CHODL: variants seen among roughly 807,000 people sequenced by gnomAD.
CHODL encodes transmembrane protein MT75.
Under a neutral mutation model 34.5 loss-of-function variants are expected in CHODL, and 29 were observed. The observed-to-expected ratio is 0.84, with a 90% confidence interval of 0.63 to 1.15. The LOEUF (loss-of-function observed/expected upper bound fraction) is 1.15. CHODL is among the 50% of genes most tolerant of loss of function. The pLI, the probability that CHODL is intolerant of heterozygous loss-of-function variation, is 0.00. For missense variants in CHODL, 332 were observed against 332.5 expected (o/e 1.00, Z 0.01); for synonymous variants, 125 against 116.1 (o/e 1.08, Z -0.49).
intron 2 of CHODL, among the ~76,000 whole-genome samples, chr21:18,210,966 A>G (rs544337380): frequency 1.3e-5 from 2 of 152,262 alleles, no homozygotes; most frequent in African/African-American, 4.8e-5. Context: ...ACCTCCTACT[A>G]TCATCCCTGA....
intron 1 of CHODL, among the ~76,000 whole-genome samples, chr21:17,968,514 AT>A (rs1305828167): frequency 6.6e-6 from 1 of 152,016 alleles, no homozygotes; most frequent in Non-Finnish European, 1.5e-5. Flanking sequence ...ATTTTACCTT[AT>A]TTCCCCCTTT....
chr21:18,062,943 T>C (rs2064687269), intron 2 of CHODL, among the ~76,000 whole-genome samples: 1 of 152,150 alleles, frequency 6.6e-6, no homozygotes, highest in African/African-American at 2.4e-5. Context: ...AAACCATCAA[T>C]TCTTCTGATT....
upstream of CHODL, among the ~76,000 whole-genome samples, chr21:18,244,017 ACTT>A (rs1433853662): frequency 6.6e-6 from 1 of 152,206 alleles, no homozygotes; most frequent in Non-Finnish European, 1.5e-5. Flanking sequence ...ATTCTTAAGA[ACTT>A]CTCTCCAGTA....
chr21:18,100,669 A>G (rs2065202017), intron 2 of CHODL, among the ~76,000 whole-genome samples: 1 of 152,244 alleles, frequency 6.6e-6, no homozygotes, highest in South Asian at 2.1e-4. Flanking sequence ...ATTATTTAAC[A>G]TTTTAATTTT....
intron 2 of CHODL, among the ~76,000 whole-genome samples, chr21:18,070,453 A>G (rs982917858): frequency 2.6e-5 from 4 of 152,142 alleles, no homozygotes; most frequent in African/African-American, 9.7e-5. Flanking sequence ...AGCTAGGGAA[A>G]AAAAAAAGTA....
At chr21:18,121,486 G>A (rs1285582697) in intron 2 of CHODL, among the ~76,000 whole-genome samples, 7 of 152,126 alleles carry the variant, frequency 4.6e-5, no homozygotes, top group Admixed American at 3.3e-4. Context: ...TATCAAAGAG[G>A]CATCTCAAAC....
At chr21:18,196,940 T>A (rs9976703) in intron 2 of CHODL, among the ~76,000 whole-genome samples, 7,485 of 152,112 alleles carry the variant, frequency 0.049, 190 homozygotes, top group Non-Finnish European at 0.059. Flanking sequence ...ATACTTGACA[T>A]TTGCTAAGAA....
chr21:17,968,408 C>T (rs1373381190), intron 1 of CHODL, among the ~76,000 whole-genome samples: 5 of 152,176 alleles, frequency 3.3e-5, no homozygotes, highest in Non-Finnish European at 1.5e-5. Flanking sequence ...CACCTGGTTT[C>T]CTCATCTTTT....
intron 2 of CHODL, among the ~76,000 whole-genome samples, chr21:18,141,772 T>C (rs1303877694): frequency 6.7e-6 from 1 of 149,884 alleles, no homozygotes. Context: ...GAGAAACTCC[T>C]ACATTTGTAG....
chr21:18,033,258 T>G (rs2064269012), intron 2 of CHODL, among the ~76,000 whole-genome samples: 1 of 151,988 alleles, frequency 6.6e-6, no homozygotes, highest in Non-Finnish European at 1.5e-5. Flanking sequence ...GACCTGCATT[T>G]CACTGTGAAC....
intron 1 of CHODL, among the ~76,000 whole-genome samples, chr21:17,981,399 A>T (rs555055393): frequency 5.9e-5 from 9 of 151,982 alleles, no homozygotes; most frequent in South Asian, 4.1e-4. Flanking sequence ...TTCTTTTTTT[A>T]AAAAAATATA....
Position 18,113,301 on chromosome 21 carries a change from TGGTG to T in CHODL, c.-45+85333_-45+85336del, listed in dbSNP as rs199500860. Among the ~76,000 whole-genome samples the T allele has an allele frequency of 6.5e-3, 980 of 151,836 alleles. 14 individuals carry two copies. The highest frequency in any genetic ancestry group is 0.021 in the African/African-American group (874 of 41,352). ...AGAAAAGTGAATTCTTGCACACTGT[TGGTG>T]GGAATGTAAATTAGTACAACCACTA... On this transcript the variant is annotated intron_variant, in intron 2 of 6. Coordinates refer to the CHODL transcript ENST00000400127.
intron 2 of CHODL, among the ~76,000 whole-genome samples, chr21:18,144,091 C>G (rs372479355): frequency 6.6e-6 from 1 of 151,944 alleles, no homozygotes; most frequent in Non-Finnish European, 1.5e-5. Context: ...TTCTTGTATT[C>G]GGTCAATAAT....
intron 2 of CHODL, among the ~76,000 whole-genome samples, chr21:18,141,278 A>T (rs940547903): frequency 1.3e-5 from 2 of 152,010 alleles, no homozygotes; most frequent in African/African-American, 4.8e-5. Flanking sequence ...CTTTATAAAT[A>T]ATTTAGTAGA....
At chr21:18,180,817 C>G (rs1657272984) in intron 2 of CHODL, among the ~76,000 whole-genome samples, 1 of 152,192 alleles carries the variant, frequency 6.6e-6, no homozygotes, top group African/African-American at 2.4e-5. Context: ...TTACCTTCAT[C>G]TTTTCTGCTC....
chr21:18,134,926 A>T (rs2072702099), intron 2 of CHODL, among the ~76,000 whole-genome samples: 1 of 152,244 alleles, frequency 6.6e-6, no homozygotes. Context: ...CACCAAGGTG[A>T]AAGTTCATAT....
chr21:17,918,207 A>T lies in CHODL; in HGVS notation c.-145+807A>T, dbSNP rs138426829. 8.0e-3 allele frequency among the ~76,000 whole-genome samples: 1,214 copies of T among 152,096 alleles called. 18 individuals carry two copies. Among genetic ancestry groups the T allele is most frequent in the African/African-American group, 0.027 (1,119 of 41,452 alleles). On this transcript the variant is annotated intron_variant, in intron 1 of 6. Transcript: ENST00000400127. Reference sequence around the variant, plus strand: ...GAGGGGTTGAAATATTTTATTTCATATATTTTATTTTTTACTGTTTACTTG... The same window carrying T: ...GAGGGGTTGAAATATTTTATTTCATTTATTTTATTTTTTACTGTTTACTTG...
chr21:18,165,000 A>G (rs2073136207), intron 2 of CHODL, among the ~76,000 whole-genome samples: 1 of 152,090 alleles, frequency 6.6e-6, no homozygotes, highest in African/African-American at 2.4e-5. Flanking sequence ...TTGCCATCAC[A>G]TTGGTACAGT....
intron 1 of CHODL, among the ~76,000 whole-genome samples, chr21:18,021,161 G>T (rs17002280): frequency 0.015 from 2,280 of 152,246 alleles, 55 homozygotes; most frequent in African/African-American, 0.051. Flanking sequence ...CATTGGTTAG[G>T]TCTGACTACT....
Sources: gnomAD v4.1 joint callset for allele counts (sites outside exome capture counted in the v4.1 genomes callset) on GRCh38, gnomAD v4.1.1 for gene constraint, MANE v1.5 for transcripts, NCBI Gene and HGNC (gene_info 2026-07-23, HGNC 2026-07-21) for gene names.